ADGRL4: variants seen among roughly 807,000 people sequenced by gnomAD.
ADGRL4 encodes the protein adhesion G protein-coupled receptor L4.
A neutral mutation model predicts 74.8 loss-of-function variants in ADGRL4; 90 were observed. The ratio of observed to expected loss-of-function variants is 1.20; its 90% CI spans 1.02 to 1.43. The LOEUF (loss-of-function observed/expected upper bound fraction) is 1.43, where lower values mean the gene tolerates loss of function less well. Ranked by LOEUF, ADGRL4 falls within the 40% of genes most tolerant of loss-of-function variation. ADGRL4 has a pLI of 0.00. For synonymous variants in ADGRL4, 311 were observed against 279.2 expected, an observed-to-expected ratio of 1.11 and a Z score of -1.14; for missense variants, 881 against 814.3, an observed-to-expected ratio of 1.08 and a Z score of -1.00.
intron 2 of ADGRL4, among the ~76,000 whole-genome samples, chr1:78,971,590 T>C (rs1236115704): frequency 6.6e-6 from 1 of 152,174 alleles, no homozygotes; most frequent in Non-Finnish European, 1.5e-5. Context: ...CTTTATTCCA[T>C]TATTCTCATC....
At position 78,920,223 on chromosome 1, in the gene ADGRL4, T is replaced by C; in HGVS notation, c.1421A>G (p.Glu474Gly). 6.2e-7 allele frequency: 1 copy of C among 1,611,774 alleles called. No homozygotes were observed. Among genetic ancestry groups the C allele is most frequent in the South Asian group, 1.1e-5 (1 of 91,024 alleles). Residue 474 changes from glutamate to glycine, a missense_variant, in exon 10 of 15, where the codon GAA becomes GGA. Coordinates refer to ENST00000370742, the MANE Select transcript of ADGRL4 (RefSeq NM_022159.4). ...ATTGATCCCAACAAGAAAAACAAGT[T>C]CAGCAAGAAATAGGCTACAGCAAAG... ...KNLCCSLFLA[E>G]LVFLVGINTN... is the part of the protein sequence containing the mutation.
chr1:78,987,006 A>G (rs1174028902), intron 2 of ADGRL4, among the ~76,000 whole-genome samples: 3 of 151,824 alleles, frequency 2.0e-5, no homozygotes, highest in African/African-American at 7.2e-5. Flanking sequence ...TCATGACACG[A>G]TGGTATCATT....
intron 2 of ADGRL4, among the ~76,000 whole-genome samples, chr1:78,968,554 G>T (rs1004147744): frequency 3.3e-5 from 5 of 151,662 alleles, no homozygotes; most frequent in African/African-American, 1.2e-4. Context: ...TTACCCTCTA[G>T]TGGTATTTAC....
At chr1:78,967,801 C>T (rs1163512493) in intron 2 of ADGRL4, among the ~76,000 whole-genome samples, 4 of 151,314 alleles carry the variant, frequency 2.6e-5, no homozygotes, top group African/African-American at 9.7e-5. Flanking sequence ...GTTTTTGCTA[C>T]TTTAAAATTT....
rs377430089 is a variant in ADGRL4, at chr1:78,980,371, A to C, written c.172+24699T>G. 2.2e-3 allele frequency among the ~76,000 whole-genome samples: 336 copies of C among 152,106 alleles called. 2 individuals are homozygous for C. Among genetic ancestry groups the C allele is most frequent in the African/African-American group, 7.7e-3 (320 of 41,538 alleles). ...GTGCCTAATACATTGTCAGCTAAGA[A>C]TAAGCATATAATATAAATATTTAGT... On this transcript the variant is annotated intron_variant, in intron 2 of 14. Coordinates refer to ENST00000370742, the MANE Select transcript of ADGRL4 (RefSeq NM_022159.4).
Position 79,006,695 on chromosome 1 carries a change from G to T in ADGRL4, c.-41C>A. 1 of 1,460,342 alleles carries T rather than the reference G, an allele frequency of 6.8e-7. No homozygotes were observed. 90.5% of individuals were successfully genotyped at this position (1,460,342 alleles called of 1,614,324 possible). A position where few individuals can be genotyped will look rare whatever the true frequency, so the allele number is the denominator to read the frequency against. On this transcript the variant is annotated 5_prime_UTR_variant, in exon 1 of 15. Transcript: ENST00000370742. ...TGGTGGCGGTGGCGGAGAGCGCGGC[G>T]GAGTGAGTGCGGCTGTGGACCCGGG...
intron 7 of ADGRL4, among the ~76,000 whole-genome samples, chr1:78,932,919 G>T (rs1041281432): frequency 5.3e-5 from 8 of 151,430 alleles, no homozygotes; most frequent in African/African-American, 2.0e-4. Context: ...TTCTGAAATT[G>T]AAGCAGTAAT....
chr1:78,922,804 A>C (rs1456825555), intron 8 of ADGRL4, among the ~76,000 whole-genome samples: 4 of 152,022 alleles, frequency 2.6e-5, no homozygotes, highest in African/African-American at 7.2e-5. Context: ...AATCAAACTC[A>C]AATTTTCAGA....
chr1:78,995,189 C>G (rs374282319), intron 2 of ADGRL4, among the ~76,000 whole-genome samples: 2 of 152,152 alleles, frequency 1.3e-5, no homozygotes, highest in African/African-American at 4.8e-5. Context: ...CTTCTACTTA[C>G]GTTTAATGGT....
intron 2 of ADGRL4, among the ~76,000 whole-genome samples, chr1:78,972,145 C>T (rs897802777): frequency 1.3e-5 from 2 of 152,158 alleles, no homozygotes; most frequent in African/African-American, 4.8e-5. Flanking sequence ...AGCATGCTAA[C>T]TTTTGAATAA....
chr1:78,939,247 C>T lies in ADGRL4; in HGVS notation c.337G>A (p.Ala113Thr), dbSNP rs1485561642. Reference protein sequence around the residue: ...DGTVCIENVNANCHLDNVCIA... With the variant: ...DGTVCIENVNTNCHLDNVCIA... ...CAGACATTATCTAAATGGCAGTTTG[C>T]ATTCACATTTTCTGTAAAAAAAGAA... Residue 113 changes from alanine (A) to threonine (T), a missense_variant, in exon 4 of 15, where the codon GCA becomes ACA. Coordinates refer to ENST00000370742, the MANE Select transcript of ADGRL4 (RefSeq NM_022159.4). The T allele has an allele frequency of 1.9e-6, 3 of 1,561,672 alleles. No individual in the cohort carries two copies.
At chr1:78,981,282 AATAG>A (rs1179828720) in intron 2 of ADGRL4, among the ~76,000 whole-genome samples, 2 of 151,946 alleles carry the variant, frequency 1.3e-5, no homozygotes, top group African/African-American at 4.8e-5. Flanking sequence ...TTTAAAGTAA[AATAG>A]ATGAATGAAT....
At chr1:78,902,139 C>T (rs984472322) in intron 12 of ADGRL4, among the ~76,000 whole-genome samples, 2 of 152,060 alleles carry the variant, frequency 1.3e-5, no homozygotes, top group African/African-American at 4.8e-5. Flanking sequence ...GTTCTTCTAC[C>T]AGGCATTGAC....
chr1:78,942,790 AC>A (rs1159334097), intron 3 of ADGRL4, among the ~76,000 whole-genome samples: 1 of 152,076 alleles, frequency 6.6e-6, no homozygotes, highest in Non-Finnish European at 1.5e-5. Context: ...AATTAGTCAG[AC>A]AAGGTGGTGT....
intron 12 of ADGRL4, among the ~76,000 whole-genome samples, chr1:78,898,203 A>G (rs1051728782): frequency 2.0e-5 from 3 of 152,156 alleles, no homozygotes; most frequent in African/African-American, 4.8e-5. Context: ...AAAGATGATA[A>G]AAGTCTCCAT....
intron 3 of ADGRL4, among the ~76,000 whole-genome samples, chr1:78,943,660 C>G (rs186219661): frequency 3.9e-4 from 59 of 152,026 alleles, no homozygotes; most frequent in African/African-American, 1.4e-3. Context: ...GATATACTAA[C>G]GCAAAAGGGA....
chr1:78,904,765 T>A (rs1056610859), intron 12 of ADGRL4, among the ~76,000 whole-genome samples: 1 of 152,098 alleles, frequency 6.6e-6, no homozygotes, highest in Non-Finnish European at 1.5e-5. Context: ...TGTCTTACTT[T>A]CCTTGCGTGT....
intron 2 of ADGRL4, among the ~76,000 whole-genome samples, chr1:79,002,101 T>C (rs1332831): frequency 0.27 from 41,549 of 151,906 alleles, 5,724 homozygotes; most frequent in Non-Finnish European, 0.29. Context: ...TCTGAAGAAT[T>C]CCACTTAACG....
chr1:78,946,484 T>A (rs1267725531), intron 2 of ADGRL4, 58 bp from the exon 3 acceptor site: 3 of 1,430,120 alleles, frequency 2.1e-6, no homozygotes, highest in Non-Finnish European at 2.8e-6. Context: ...ATTTTGACTA[T>A]TTTCCATCAG....
Sources: gnomAD v4.1 joint callset for allele counts (sites outside exome capture counted in the v4.1 genomes callset) on GRCh38, gnomAD v4.1.1 for gene constraint, MANE v1.5 for transcripts, NCBI Gene and HGNC (gene_info 2026-07-23, HGNC 2026-07-21) for gene names.